VEPH1: variants seen among roughly 807,000 people sequenced by gnomAD.
The protein encoded by VEPH1 is ventricular zone expressed PH domain containing 1.
VEPH1 carries 80 observed loss-of-function variants against 85.2 expected under a neutral mutation model. The observed-to-expected ratio is 0.94, with a 90% CI of 0.78 to 1.13. VEPH1 has a LOEUF of 1.13. Ranked by LOEUF, VEPH1 falls within the 50% of genes most tolerant of loss-of-function variation. The pLI, the probability that VEPH1 is intolerant of heterozygous loss-of-function variation, is 0.00. For synonymous variants in VEPH1, 297 were observed against 348.0 expected, an observed-to-expected ratio of 0.85 and a Z score of 1.63; for missense variants, 955 against 980.5, an observed-to-expected ratio of 0.97 and a Z score of 0.35.
At chr3:157,425,090 G>A (rs1427731232) in intron 5 of VEPH1, among the ~76,000 whole-genome samples, 1 of 152,200 alleles carries the variant, frequency 6.6e-6, no homozygotes, top group African/African-American at 2.4e-5. Flanking sequence ...GGTTCCCTGT[G>A]TCCCAGACAC....
chr3:157,370,260 T>C (rs941160515), intron 7 of VEPH1, among the ~76,000 whole-genome samples: 1 of 152,090 alleles, frequency 6.6e-6, no homozygotes, highest in Non-Finnish European at 1.5e-5. Flanking sequence ...AGCGGGGAGA[T>C]GAGACTATAA....
chr3:157,356,282 A>ACTGTG (rs1725422258), intron 9 of VEPH1, among the ~76,000 whole-genome samples: 1 of 151,110 alleles, frequency 6.6e-6, no homozygotes, highest in Admixed American at 6.7e-5. Context: ...ACCAGTCCCT[A>ACTGTG]ATGTGAACAG....
At chr3:157,443,245 A>G (rs1253762655) in intron 4 of VEPH1, 1 of 363,336 alleles carries the variant, frequency 2.8e-6, no homozygotes, top group East Asian at 4.3e-5. Context: ...ATAAACTCTC[A>G]AATAATTAAA....
intron 6 of VEPH1, among the ~76,000 whole-genome samples, chr3:157,389,648 TA>T (rs1729655258): frequency 2.0e-5 from 3 of 147,684 alleles, no homozygotes; most frequent in African/African-American, 7.7e-5. Context: ...GATAGATAGA[TA>T]GATAGATAGA....
At chr3:157,342,121 C>A (rs1196629070) in intron 9 of VEPH1, among the ~76,000 whole-genome samples, 1 of 152,116 alleles carries the variant, frequency 6.6e-6, no homozygotes, top group Non-Finnish European at 1.5e-5. Flanking sequence ...CATCAACTAA[C>A]GAGCAAAATA....
chr3:157,396,910 T>C (rs1219300299), intron 6 of VEPH1, among the ~76,000 whole-genome samples: 3 of 152,212 alleles, frequency 2.0e-5, no homozygotes, highest in Admixed American at 6.5e-5. Context: ...ACTCTGATGA[T>C]AGTTTATTTT....
At chr3:157,355,420 C>T (rs1429631967) in intron 9 of VEPH1, among the ~76,000 whole-genome samples, 1 of 152,206 alleles carries the variant, frequency 6.6e-6, no homozygotes, top group East Asian at 1.9e-4. Flanking sequence ...ACCTTTCAGG[C>T]ATCACTAACA....
chr3:157,441,928 A>G (rs1023604291), intron 4 of VEPH1, among the ~76,000 whole-genome samples: 27 of 152,176 alleles, frequency 1.8e-4, no homozygotes, highest in African/African-American at 5.1e-4. Flanking sequence ...CAGGTTTATT[A>G]TTTTAGGAAC....
intron 7 of VEPH1, among the ~76,000 whole-genome samples, chr3:157,375,722 C>G (rs1163050962): frequency 2.0e-5 from 3 of 152,094 alleles, no homozygotes; most frequent in Non-Finnish European, 4.4e-5. Context: ...TCTCTTTTCA[C>G]TTATACCAAA....
intron 7 of VEPH1, among the ~76,000 whole-genome samples, chr3:157,371,152 A>G (rs1025136282): frequency 2.0e-5 from 3 of 152,170 alleles, no homozygotes; most frequent in Non-Finnish European, 4.4e-5. Flanking sequence ...GCCAGGGAGG[A>G]CTATAAAATC....
At chr3:157,411,523 C>T (rs1414874804) in intron 6 of VEPH1, among the ~76,000 whole-genome samples, 2 of 152,060 alleles carry the variant, frequency 1.3e-5, no homozygotes, top group Admixed American at 1.3e-4. Flanking sequence ...TCAGAATTAC[C>T]CTGGCACAGG....
Position 157,388,953 on chromosome 3 carries a change from T to C in VEPH1, c.907-7577A>G, listed in dbSNP as rs547161503. ...TCAGATATTGAGGGATGACCATATA[T>C]AATATGTTGATTCTTGTTATTTGGG... On this transcript the variant is annotated intron_variant, in intron 6 of 13. Coordinates refer to ENST00000362010, the MANE Select transcript of VEPH1 (RefSeq NM_001167912.2). 2.6e-5 allele frequency among the ~76,000 whole-genome samples: 4 copies of C among 152,220 alleles called. No homozygotes were observed. In the South Asian group the frequency reaches 6.2e-4, roughly 24 times the overall value.
chr3:157,302,956 G>A (rs1005253248), intron 11 of VEPH1, among the ~76,000 whole-genome samples: 18 of 151,548 alleles, frequency 1.2e-4, no homozygotes, highest in Non-Finnish European at 2.5e-4. Flanking sequence ...TTTTCATCTC[G>A]TCCTTTAAAA....
intron 4 of VEPH1, chr3:157,437,072 A>G (rs2305619): frequency 0.52 from 840,709 of 1,612,082 alleles, 221,494 homozygotes; most frequent in Admixed American, 0.63. Flanking sequence ...CCGTAAGTTC[A>G]CTTTAACTGT....
chr3:157,301,971 C>T lies in VEPH1; in HGVS notation c.2010+11650G>A, dbSNP rs78700219. Among the ~76,000 whole-genome samples the T allele has an allele frequency of 6.3e-3, 959 of 152,234 alleles. 18 individuals carry two copies. The highest frequency in any genetic ancestry group is 0.022 in the African/African-American group (900 of 41,536). ...TGGCAGGTGTTTGAAACTTCAGATT[C>T]GGATGTCTGAAAGTCTTGTGTGCCA... is the stretch of plus-strand genomic sequence containing the variant. On this transcript the variant is annotated intron_variant, in intron 11 of 13. Transcript: ENST00000362010.
At chr3:157,357,869 G>A (rs1001851868) in intron 9 of VEPH1, among the ~76,000 whole-genome samples, 3 of 152,188 alleles carry the variant, frequency 2.0e-5, no homozygotes, top group African/African-American at 7.2e-5. Flanking sequence ...TTAAAGAAGA[G>A]CTTTTAAAAA....
intron 3 of VEPH1, among the ~76,000 whole-genome samples, chr3:157,461,605 C>G (rs948261339): frequency 5.3e-5 from 8 of 152,240 alleles, no homozygotes; most frequent in Non-Finnish European, 7.4e-5. Context: ...TAGAACTCCA[C>G]CTTTATACAT....
At chr3:157,314,330 CAAAAAAAAAAAAAAA>C (rs34703314) in intron 10 of VEPH1, among the ~76,000 whole-genome samples, 14 of 43,202 alleles carry the variant, frequency 3.2e-4, no homozygotes, top group Admixed American at 8.7e-4. Context: ...GAGGATCCGT[CAAAAAAAAAAAAAAA>C]AAAAAAAAAA....
At chr3:157,423,073 G>A (rs941113438) in intron 5 of VEPH1, among the ~76,000 whole-genome samples, 5 of 152,048 alleles carry the variant, frequency 3.3e-5, no homozygotes, top group African/African-American at 1.2e-4. Flanking sequence ...CGTTCTTCAT[G>A]TCTTCACTAT....
Sources: gnomAD v4.1 joint callset for allele counts (sites outside exome capture counted in the v4.1 genomes callset) on GRCh38, gnomAD v4.1.1 for gene constraint, MANE v1.5 for transcripts, NCBI Gene and HGNC (gene_info 2026-07-23, HGNC 2026-07-21) for gene names.